LRP5: variants seen among roughly 807,000 people sequenced by gnomAD.
The protein encoded by LRP5 is low-density lipoprotein receptor-related protein 5.
A neutral mutation model predicts 154.1 loss-of-function variants in LRP5; 62 were observed. The observed-to-expected ratio is 0.40, with a 90% CI of 0.33 to 0.50. LRP5 has a LOEUF of 0.50. LRP5 is among the 20% of genes least tolerant of loss of function. The probability of loss-of-function intolerance (pLI) is 0.55; values close to 1 mark genes in which losing one functional copy is unlikely to be tolerated. For synonymous variants in LRP5, 966 were observed against 1,011.5 expected (o/e 0.96, Z 0.85); for missense variants, 1,915 against 2,336.7 (o/e 0.82, Z 3.72).
At chr11:68,434,355 TTCATTCATTCA>T (rs2098673703) in intron 18 of LRP5, among the ~76,000 whole-genome samples, 1 of 2,780 alleles carries the variant, frequency 3.6e-4, no homozygotes, top group African/African-American at 5.0e-4. Context: ...TTTTCTTTCA[TTCATTCATTCA>T]TTCATTCATT....
chr11:68,327,489 C>T (rs1296803082), intron 1 of LRP5, among the ~76,000 whole-genome samples: 1 of 152,050 alleles, frequency 6.6e-6, no homozygotes, highest in African/African-American at 2.4e-5. Flanking sequence ...TTCAGTTGCC[C>T]CCCCTTAGGC....
chr11:68,368,283 G>A (rs1418893730), intron 5 of LRP5, among the ~76,000 whole-genome samples: 2 of 152,200 alleles, frequency 1.3e-5, no homozygotes, highest in African/African-American at 2.4e-5. Context: ...GATCGGGTAC[G>A]GAACACAGCA....
rs1265327785 is a variant in LRP5, at chr11:68,423,773, C to T, written c.3236+76C>T. ...CGTGTCTTCTGCCGAATGCCAGCCT[C>T]TCACAGGCTGGGGAGACTTTCCACC... On this transcript the variant is annotated intron_variant, in intron 14 of 22. Transcript: ENST00000294304. The surrounding 1 kb of genome is among the most constrained non-coding windows in gnomAD (Gnocchi z 4.7). 7.0e-7 allele frequency: 1 copy of T among 1,425,702 alleles called. No individual in the cohort carries two copies. The highest frequency in any genetic ancestry group is 1.4e-5 in the African/African-American group (1 of 71,800). The allele number at this position is 1,425,702 out of a possible 1,614,324, so 88.3% of individuals were successfully genotyped here. A position where few individuals can be genotyped will look rare whatever the true frequency, so the allele number is the denominator to read the frequency against.
Position 68,353,055 on chromosome 11 carries a change from G to A in LRP5, c.489-4595G>A, listed in dbSNP as rs187318105. Among the ~76,000 whole-genome samples the A allele has an allele frequency of 9.2e-5, 14 of 152,278 alleles. No individual in the cohort carries two copies. The East Asian group carries it at 1.7e-3, about 19-fold the overall frequency. ...TTGGGAGATGCTGGGCCCTTGGTTG[G>A]GAGTAGTCTTTCCCATGCTCAGATC... On this transcript the variant is annotated intron_variant, in intron 2 of 22. Transcript: ENST00000294304. This position sits in a 1 kb window ranked among gnomAD's most constrained non-coding sequence, Gnocchi z 4.5.
chr11:68,299,108 C>G, the LRP5 span, among the ~76,000 whole-genome samples: 1 of 152,240 alleles, frequency 6.6e-6, no homozygotes, highest in Non-Finnish European at 1.5e-5. Context: ...CCCCTGGTCC[C>G]AGACTTGGAC....
At chr11:68,335,847 G>A (rs1487475716) in intron 1 of LRP5, among the ~76,000 whole-genome samples, 2 of 152,202 alleles carry the variant, frequency 1.3e-5, no homozygotes, top group East Asian at 1.9e-4. Context: ...AGAAGATGGG[G>A]CGTTGTGGCC....
chr11:68,338,867 G>GTTTTTTTTTTTTTTTTTTTTTTT (rs11382677), intron 1 of LRP5, among the ~76,000 whole-genome samples: 6 of 91,948 alleles, frequency 6.5e-5, no homozygotes, highest in African/African-American at 1.9e-4. Context: ...CTTTTGTTTA[G>GTTTTTTTTTTTTTTTTTTTTTTT]TTTTTTTTTT....
At chr11:68,414,940 T>C (rs1468541022) in intron 12 of LRP5, among the ~76,000 whole-genome samples, 1 of 152,140 alleles carries the variant, frequency 6.6e-6, no homozygotes, top group Non-Finnish European at 1.5e-5. Flanking sequence ...GGCCATGACC[T>C]TAGAGAGCCA....
chr11:68,431,979 C>T (rs934784088), intron 17 of LRP5, among the ~76,000 whole-genome samples: 5 of 152,196 alleles, frequency 3.3e-5, no homozygotes, highest in African/African-American at 1.2e-4. Flanking sequence ...GTGGCCTCTT[C>T]TCCAGGGAGA....
At chr11:68,393,583 C>T (rs1474163292) in intron 7 of LRP5, among the ~76,000 whole-genome samples, 1 of 152,078 alleles carries the variant, frequency 6.6e-6, no homozygotes, top group African/African-American at 2.4e-5. Flanking sequence ...GAGTTCGAGA[C>T]GAGCCTGGCC....
In LRP5 at chr11:68,380,082, G is replaced by A. The variant is rs533283663; in HGVS notation, c.1016-6234G>A. 3.9e-5 allele frequency among the ~76,000 whole-genome samples: 6 copies of A among 152,338 alleles called. No individual in the cohort carries two copies. In the South Asian group the frequency reaches 1.0e-3, roughly 26 times the overall value. ...TGGGAGGCAGAGGTTACAGTGAGTCGAGATCGCGCCACTGCACTCCAGCCT... is the reference window on the plus strand; with the variant it reads ...TGGGAGGCAGAGGTTACAGTGAGTCAAGATCGCGCCACTGCACTCCAGCCT... On this transcript the variant is annotated intron_variant, in intron 5 of 22. Transcript: ENST00000294304.
intron 7 of LRP5, among the ~76,000 whole-genome samples, chr11:68,396,823 T>C (rs2153159187): frequency 6.6e-6 from 1 of 152,254 alleles, no homozygotes; most frequent in Non-Finnish European, 1.5e-5. Flanking sequence ...CCCCACCTGC[T>C]GGGGCCCACC....
rs149645175 is a variant in LRP5 at position 68,448,822 on chromosome 11, C to T, written c.4600C>T (p.Arg1534Ter). 1 of 1,606,726 alleles carries T rather than the reference C, an allele frequency of 6.2e-7. No homozygotes were observed. The highest frequency in any genetic ancestry group is 8.5e-7 in the Non-Finnish European group (1 of 1,179,952). ...TARPYRPYII[R>*]GMAPPTTPCS... is the part of the protein sequence containing the mutation. ...TGTCCCTTTCAGGCCCTACATCATTCGAGGAATGGCGCCCCCGACGACGCC... is the reference window on the plus strand; with the variant it reads ...TGTCCCTTTCAGGCCCTACATCATTTGAGGAATGGCGCCCCCGACGACGCC... Residue 1534 changes from arginine to a stop codon, truncating the protein, a stop_gained, in exon 23 of 23, where the codon CGA (arginine) becomes TGA (stop). Transcript: ENST00000294304. LOFTEE classifies it high-confidence loss of function.
chr11:68,392,253 C>A (rs1055777887), intron 7 of LRP5, among the ~76,000 whole-genome samples: 2 of 152,148 alleles, frequency 1.3e-5, no homozygotes, highest in African/African-American at 2.4e-5. Context: ...CTTGTAATCC[C>A]AGTACTTTGA....
chr11:68,343,586 C>T (rs1019726080), intron 1 of LRP5, among the ~76,000 whole-genome samples: 1 of 152,190 alleles, frequency 6.6e-6, no homozygotes, highest in African/African-American at 2.4e-5. Context: ...GCTCTGGCGG[C>T]CAGGACGATG....
intron 6 of LRP5, among the ~76,000 whole-genome samples, chr11:68,388,804 G>A (rs1591264386): frequency 6.6e-6 from 1 of 152,178 alleles, no homozygotes; most frequent in Non-Finnish European, 1.5e-5. Context: ...AAGGGCTGGT[G>A]TGGTGAAACC....
In LRP5 at chr11:68,446,551, G is replaced by A; in HGVS notation, c.4586+18G>A. The stretch of plus-strand genomic sequence containing the variant: ...CCGTACAGGTAGGACATCCCCTGCA[G>A]CCCTCCATGGCCATTGGGTTCCCGC... On this transcript the variant is annotated intron_variant, in intron 22 of 22. Transcript: ENST00000294304. 6.3e-7 allele frequency: 1 copy of A among 1,595,642 alleles called. No individual in the cohort carries two copies. Among genetic ancestry groups the A allele is most frequent in the Non-Finnish European group, 8.6e-7 (1 of 1,163,350 alleles).
At position 68,413,078 on chromosome 11, in the gene LRP5, A is replaced by G. The variant is rs1355143366; in HGVS notation, c.2504-611A>G. ...GCACGTGACTTCGTGACCGTCACCC[A>G]GCTCTGCAGCACATCCCGTGACCCA... On this transcript the variant is annotated intron_variant, in intron 11 of 22. Transcript: ENST00000294304. This position sits in a 1 kb window ranked among gnomAD's most constrained non-coding sequence, Gnocchi z 5.1. The G allele has an allele frequency of 2.1e-5, 4 of 189,752 alleles. No individual in the cohort carries two copies. Among genetic ancestry groups the G allele is most frequent in the African/African-American group, 4.7e-5 (2 of 42,746 alleles). 11.8% of individuals were successfully genotyped at this position (189,752 alleles called of 1,614,324 possible). A position where few individuals can be genotyped will look rare whatever the true frequency, so the allele number is the denominator to read the frequency against.
At chr11:68,318,896 C>CT (rs1262127216) in intron 1 of LRP5, among the ~76,000 whole-genome samples, 1 of 152,100 alleles carries the variant, frequency 6.6e-6, no homozygotes, top group South Asian at 2.1e-4. Flanking sequence ...CCTCAGTTTC[C>CT]TTTTTTTGTA....
Sources: allele counts gnomAD v4.1 joint callset (sites outside exome capture counted in the v4.1 genomes callset), GRCh38; gene constraint gnomAD v4.1.1; non-coding constraint Gnocchi (gnomAD v3.1); transcripts MANE v1.5; gene names NCBI Gene and HGNC (gene_info 2026-07-23, HGNC 2026-07-21).